The following RNF6 variants were observed in gnomAD, a reference collection of about 807,000 sequenced individuals.
RNF6 encodes E3 ubiquitin-protein ligase RNF6.
Under a neutral mutation model 50.1 loss-of-function variants are expected in RNF6, and 21 were observed. The observed-to-expected ratio is 0.42, with a 90% CI of 0.30 to 0.60. RNF6 has a LOEUF of 0.60. Among genes scored for constraint, RNF6 ranks in the 20% least tolerant of loss-of-function variants. The probability of loss-of-function intolerance (pLI) is 0.20; values close to 1 mark genes in which losing one functional copy is unlikely to be tolerated. For missense variants in RNF6, 698 were observed against 838.2 expected, an observed-to-expected ratio of 0.83 and a Z score of 2.07; for synonymous variants, 255 against 291.8, an observed-to-expected ratio of 0.87 and a Z score of 1.29.
chr13:26,165,682 T>A (rs1872417998), intron 5 of RNF6, among the ~76,000 whole-genome samples: 1 of 152,176 alleles, frequency 6.6e-6, no homozygotes, highest in Non-Finnish European at 1.5e-5. Flanking sequence ...TTTTGGAGCT[T>A]TAAGATTTGA....
chr13:26,192,827 T>C (rs1486479406), intron 5 of RNF6, among the ~76,000 whole-genome samples: 1 of 152,214 alleles, frequency 6.6e-6, no homozygotes, highest in Non-Finnish European at 1.5e-5. Context: ...TTGGCTGATA[T>C]CTTGTTTTCA....
At chr13:26,146,798 T>C (rs1454856169) in intron 5 of RNF6, among the ~76,000 whole-genome samples, 1 of 152,230 alleles carries the variant, frequency 6.6e-6, no homozygotes, top group Non-Finnish European at 1.5e-5. Flanking sequence ...GGTTTGGCTC[T>C]GTGCCCACAC....
intron 5 of RNF6, among the ~76,000 whole-genome samples, chr13:26,173,108 A>T (rs2137638263): frequency 6.6e-6 from 1 of 152,374 alleles, no homozygotes; most frequent in South Asian, 2.1e-4. Context: ...GACCACGGTG[A>T]GGTAGAAACC....
At position 26,213,755 on chromosome 13, in the gene RNF6, T is replaced by A; in HGVS notation, c.*69A>T. 1 of 1,310,082 alleles carries A rather than the reference T, an allele frequency of 7.6e-7. No homozygotes were observed. Among genetic ancestry groups the A allele is most frequent in the Non-Finnish European group, 1.1e-6 (1 of 951,700 alleles). The allele number at this position is 1,310,082 out of a possible 1,614,324, so 81.2% of individuals were successfully genotyped here. A position where few individuals can be genotyped will look rare whatever the true frequency, so the allele number is the denominator to read the frequency against. On this transcript the variant is annotated 3_prime_UTR_variant, in exon 5 of 5. Transcript: ENST00000381588. The stretch of plus-strand genomic sequence containing the variant: ...TTCATCCTGGTTAGCTAATCACAAA[T>A]AACTCAGCAAAACAATGCTTGAACA...
At chr13:26,187,947 T>G (rs1873635431) in intron 5 of RNF6, among the ~76,000 whole-genome samples, 1 of 152,168 alleles carries the variant, frequency 6.6e-6, no homozygotes, top group Admixed American at 6.5e-5. Flanking sequence ...ACACTAGGTG[T>G]CAAAAAATAG....
At chr13:26,140,130 T>G (rs1459288591) in intron 5 of RNF6, among the ~76,000 whole-genome samples, 1 of 152,256 alleles carries the variant, frequency 6.6e-6, no homozygotes, top group East Asian at 1.9e-4. Context: ...GGGATTAATA[T>G]AGACAATCTA....
intron 5 of RNF6, among the ~76,000 whole-genome samples, chr13:26,181,505 G>T (rs301059): frequency 6.6e-6 from 1 of 151,964 alleles, no homozygotes; most frequent in Non-Finnish European, 1.5e-5. Flanking sequence ...AACCACTGCA[G>T]GTAGTGTAAC....
intron 5 of RNF6, among the ~76,000 whole-genome samples, chr13:26,154,845 C>A (rs1871822027): frequency 6.6e-6 from 1 of 152,046 alleles, no homozygotes; most frequent in East Asian, 1.9e-4. Context: ...GCCTGGCCAA[C>A]ATGGCAAAAC....
At chr13:26,154,017 CGA>C (rs1871777518) in intron 5 of RNF6, 1 of 152,262 alleles carries the variant, frequency 6.6e-6, no homozygotes, top group Admixed American at 6.5e-5. Flanking sequence ...GAAATTCTTA[CGA>C]GTGTTTCCTT....
chr13:26,156,339 A>G (rs1871924064), intron 5 of RNF6, among the ~76,000 whole-genome samples: 1 of 152,236 alleles, frequency 6.6e-6, no homozygotes. Flanking sequence ...ATAAGCCATT[A>G]CGCATCAGTT....
rs560202637 is a variant in RNF6 at position 26,188,058 on chromosome 13, G to T, written n.768+27416C>A. On this transcript the variant is annotated intron_variant and non_coding_transcript_variant, in intron 5 of 5. Transcript: ENST00000468480. ...GGACTTGAACCTGTTAATATCCAAG[G>T]TCCCTTCAGCCCTAATAGTCTAGGA... 1.2e-4 allele frequency among the ~76,000 whole-genome samples: 18 copies of T among 152,258 alleles called. No homozygotes were observed. In the East Asian group the frequency reaches 1.5e-3, roughly 13 times the overall value.
rs182420254 is a variant in RNF6 at position 26,153,869 on chromosome 13, C to T, written n.769-21418G>A. On this transcript the variant is annotated intron_variant and non_coding_transcript_variant, in intron 5 of 5. Transcript: ENST00000468480. ...GGCCAGAGCATCTATTGCTCATCCG[C>T]GTATTTTTCAGCCCCAAAATGGAAT... Among the ~76,000 whole-genome samples the T allele has an allele frequency of 5.3e-5, 8 of 152,190 alleles. No individual in the cohort carries two copies. In the East Asian group the frequency reaches 1.2e-3, roughly 22 times the overall value.
chr13:26,165,912 G>A (rs944163517), intron 5 of RNF6, among the ~76,000 whole-genome samples: 7 of 152,198 alleles, frequency 4.6e-5, no homozygotes, highest in Non-Finnish European at 1.0e-4. Flanking sequence ...GCTGAAATAA[G>A]CTAAGACTTT....
intron 5 of RNF6, among the ~76,000 whole-genome samples, chr13:26,156,546 C>T (rs1457181486): frequency 6.6e-6 from 1 of 152,062 alleles, no homozygotes; most frequent in African/African-American, 2.4e-5. Context: ...GTTATCAAAC[C>T]CTGTACCCTT....
intron 2 of RNF6, 39 bp from the exon 3 acceptor site, chr13:26,219,706 C>A: frequency 6.5e-7 from 1 of 1,526,932 alleles, no homozygotes; most frequent in South Asian, 1.2e-5. Flanking sequence ...GGTGTTAAGT[C>A]ATGGACCACA....
intron 5 of RNF6, among the ~76,000 whole-genome samples, chr13:26,158,512 T>C (rs138863852): frequency 2.8e-4 from 42 of 152,340 alleles, no homozygotes; most frequent in Non-Finnish European, 4.0e-4. Context: ...AGTTGGTCTA[T>C]TTATAAATAT....
intron 5 of RNF6, chr13:26,135,545 C>T (rs1870603365): frequency 1.3e-5 from 2 of 152,158 alleles, no homozygotes; most frequent in South Asian, 4.1e-4. Flanking sequence ...TTAGATCTGT[C>T]TCTCTATCCA....
At chr13:26,169,625 G>GA (rs1326040218) in intron 5 of RNF6, among the ~76,000 whole-genome samples, 3 of 152,096 alleles carry the variant, frequency 2.0e-5, no homozygotes, top group African/African-American at 7.2e-5. Flanking sequence ...TAAGACCCAG[G>GA]AAATGTCTTT....
chr13:26,157,445 A>G (rs907741242), intron 5 of RNF6, among the ~76,000 whole-genome samples: 12 of 152,174 alleles, frequency 7.9e-5, no homozygotes, highest in African/African-American at 2.2e-4. Flanking sequence ...AGAAAGAAAC[A>G]TGAATAACAA....
Sources: gnomAD v4.1 joint callset for allele counts (sites outside exome capture counted in the v4.1 genomes callset) on GRCh38, gnomAD v4.1.1 for gene constraint, MANE v1.5 for transcripts, NCBI Gene and HGNC (gene_info 2026-07-23, HGNC 2026-07-21) for gene names.